DNAH7: variants seen among roughly 807,000 people sequenced by gnomAD.
The protein encoded by DNAH7 is dynein axonemal heavy chain 7, also known as axonemal beta dynein heavy chain 7.
In DNAH7, 397 loss-of-function variants were observed where a neutral mutation model predicts 444.6. The ratio of observed to expected loss-of-function variants is 0.89; its 90% CI spans 0.82 to 0.97. The LOEUF is 0.97. Among genes scored for constraint, DNAH7 ranks in the 50% least tolerant of loss-of-function variants. The probability of loss-of-function intolerance (pLI) is 0.00; values close to 1 mark genes in which losing one functional copy is unlikely to be tolerated. For synonymous variants in DNAH7, 1,636 were observed against 1,624.4 expected (o/e 1.01, Z -0.17); for missense variants, 4,902 against 4,800.8 (o/e 1.02, Z -0.62).
At chr2:196,037,584 C>G (rs1413448891) in intron 5 of DNAH7, among the ~76,000 whole-genome samples, 1 of 151,910 alleles carries the variant, frequency 6.6e-6, no homozygotes, top group East Asian at 1.9e-4. Flanking sequence ...AATCCTGAAA[C>G]TGAAGAAATG....
intron 45 of DNAH7, among the ~76,000 whole-genome samples, chr2:195,854,121 T>C (rs765037841): frequency 3.9e-5 from 6 of 152,176 alleles, no homozygotes; most frequent in Non-Finnish European, 7.4e-5. Context: ...TTAAGCAATA[T>C]GATAACAAAA....
At chr2:195,949,967 G>A (rs1271223763) in intron 19 of DNAH7, among the ~76,000 whole-genome samples, 3 of 152,136 alleles carry the variant, frequency 2.0e-5, no homozygotes, top group Non-Finnish European at 4.4e-5. Context: ...TGATCATGCT[G>A]GATAAGCTTT....
chr2:195,746,972 C>T (rs1693454698), intron 63 of DNAH7, among the ~76,000 whole-genome samples: 1 of 151,716 alleles, frequency 6.6e-6, no homozygotes, highest in Admixed American at 6.6e-5. Flanking sequence ...CAAAAGCTAG[C>T]AGAAGGCAAG....
chr2:195,794,322 C>G lies in DNAH7; in HGVS notation c.10716+16G>C. 6.2e-7 allele frequency: 1 copy of G among 1,613,894 alleles called. No homozygotes were observed. Among genetic ancestry groups the G allele is most frequent in the Non-Finnish European group, 8.5e-7 (1 of 1,179,834 alleles). On this transcript the variant is annotated intron_variant, in intron 57 of 64. Transcript: ENST00000312428. Reference sequence around the variant, plus strand: ...GCTTTACAGGGCCGAGGTAACAAGACTTAACCATTACTAACAGGCTTTTTG... The same window carrying G: ...GCTTTACAGGGCCGAGGTAACAAGAGTTAACCATTACTAACAGGCTTTTTG...
chr2:195,745,852 A>G (rs903474481), intron 63 of DNAH7, among the ~76,000 whole-genome samples: 1 of 152,262 alleles, frequency 6.6e-6, no homozygotes, highest in East Asian at 1.9e-4. Context: ...TGAAGGAAGC[A>G]CTAAACATGG....
In DNAH7 at chr2:195,809,879, TC is replaced by T; in HGVS notation, c.9762-9del. ...TCCTTGAGAATCTGAAGCCTAAGGG[TC>T]AACAGAAAATAAAGGAAATAAATAA... On this transcript the variant is annotated splice_polypyrimidine_tract_variant and intron_variant, in intron 51 of 64. Coordinates refer to ENST00000312428, the MANE Select transcript of DNAH7 (RefSeq NM_018897.3). 1 of 1,511,418 alleles carries T rather than the reference TC, an allele frequency of 6.6e-7. No individual in the cohort carries two copies. Among genetic ancestry groups the T allele is most frequent in the Non-Finnish European group, 8.8e-7 (1 of 1,131,560 alleles). The allele number at this position is 1,511,418 out of a possible 1,614,324, so 93.6% of individuals were successfully genotyped here.
At chr2:196,007,747 G>A (rs572377774) in intron 10 of DNAH7, among the ~76,000 whole-genome samples, 77 of 152,190 alleles carry the variant, frequency 5.1e-4, no homozygotes, top group Admixed American at 7.2e-4. Flanking sequence ...ATGTAGGACC[G>A]GGCTTTGCTC....
rs760479971 is a variant in DNAH7, at chr2:195,957,397, A to G, written c.2942T>C (p.Leu981Pro). Residue 981 changes from leucine (L) to proline (P), a missense_variant, in exon 19 of 65, where the codon CTC (leucine) becomes CCC (proline). Coordinates refer to ENST00000312428, the MANE Select transcript of DNAH7 (RefSeq NM_018897.3). ...ATACAGCCACGTGGCTTGGACTTTG[A>G]GCCATTCATCCAGAATCTCCTGAAG... Reference protein sequence around the residue: ...LLLQEILDEWLKVQATWLYLE... With the variant: ...LLLQEILDEWPKVQATWLYLE... The G allele has an allele frequency of 2.7e-5, 43 of 1,598,762 alleles. 1 individual carries two copies. The highest frequency in any genetic ancestry group is 2.5e-4 in the East Asian group (11 of 44,426).
In DNAH7 at chr2:195,888,156, ATATCTCTTAGCTGATAATAAAAACAGAC is replaced by A. The variant is rs1459854003; in HGVS notation, c.5406+74_5406+101del. 9 of 943,768 alleles carry A rather than the reference ATATCTCTTAGCTGATAATAAAAACAGAC, an allele frequency of 9.5e-6. No individual in the cohort carries two copies. The African/African-American group carries it at 1.2e-4, about 13-fold the overall frequency. The allele number at this position is 943,768 out of a possible 1,614,324, so 58.5% of individuals were successfully genotyped here. A position where few individuals can be genotyped will look rare whatever the true frequency, so the allele number is the denominator to read the frequency against. On this transcript the variant is annotated intron_variant, in intron 33 of 64. Transcript: ENST00000312428. ...ATTTAATCAAAAAGGTTTTGATTTA[ATATCTCTTAGCTGATAATAAAAACAGAC>A]ATTAAAATTGATATGTAAGTCTAAT...
chr2:195,968,591 G>C (rs953237434), intron 17 of DNAH7, among the ~76,000 whole-genome samples: 6 of 152,112 alleles, frequency 3.9e-5, no homozygotes, highest in African/African-American at 1.4e-4. Flanking sequence ...AGGGTTGGGA[G>C]AAGCATGGCA....
chr2:195,754,296 G>T, intron 63 of DNAH7, 41 bp downstream of exon 63: 3 of 1,560,484 alleles, frequency 1.9e-6, no homozygotes, highest in South Asian at 2.4e-5. Context: ...TTTTTGTTCA[G>T]TGCCCAGATA....
chr2:196,062,509 T>A (rs1265123943), intron 1 of DNAH7, among the ~76,000 whole-genome samples: 1 of 152,220 alleles, frequency 6.6e-6, no homozygotes, highest in African/African-American at 2.4e-5. Context: ...ATAAATTTGG[T>A]ATCCTAAGTT....
rs3049430 is a variant in DNAH7 at position 195,737,724 on chromosome 2, C to CTTTATTTA, written c.*196_*197insTAAATAAA. 191 of 516,072 alleles carry CTTTATTTA rather than the reference C, an allele frequency of 3.7e-4. 2 individuals are homozygous for CTTTATTTA. The highest frequency in any genetic ancestry group is 3.2e-3 in the African/African-American group (166 of 51,666). The allele number at this position is 516,072 out of a possible 1,614,324, so 32.0% of individuals were successfully genotyped here. A position where few individuals can be genotyped will look rare whatever the true frequency, so the allele number is the denominator to read the frequency against. On this transcript the variant is annotated 3_prime_UTR_variant, in exon 65 of 65. Transcript: ENST00000312428. Reference sequence around the variant, plus strand: ...AATATGCCAGTGTGTTTTCTTTAGTCTTTATTTCAGAACATTTCCTTACAT... The same window carrying CTTTATTTA: ...AATATGCCAGTGTGTTTTCTTTAGTCTTTATTTATTTATTTCAGAACATTTCCTTACAT...
chr2:195,970,198 C>T (rs1691752068), intron 16 of DNAH7, 104 bp from the exon 17 acceptor site: 1 of 1,089,390 alleles, frequency 9.2e-7, no homozygotes, highest in Non-Finnish European at 1.3e-6. Flanking sequence ...TATATTTTGT[C>T]ACTGGTAAAA....
intron 61 of DNAH7, among the ~76,000 whole-genome samples, chr2:195,756,568 C>G (rs1559074881): frequency 6.6e-6 from 1 of 151,990 alleles, no homozygotes. Flanking sequence ...GGCTGGAGTG[C>G]AGTGGTGGGA....
At chr2:195,785,581 T>TGA (rs921309535) in intron 58 of DNAH7, among the ~76,000 whole-genome samples, 1 of 146,556 alleles carries the variant, frequency 6.8e-6, no homozygotes, top group Non-Finnish European at 1.5e-5. Flanking sequence ...CCTAGTTTAC[T>TGA]GAGAGCTTTT....
intron 19 of DNAH7, among the ~76,000 whole-genome samples, chr2:195,945,526 T>C (rs972344211): frequency 2.6e-5 from 4 of 152,192 alleles, no homozygotes; most frequent in African/African-American, 9.7e-5. Context: ...CTTTCACTTT[T>C]TCCATCCAAA....
chr2:195,829,571 C>T (rs368988420), intron 48 of DNAH7, among the ~76,000 whole-genome samples: 4 of 151,978 alleles, frequency 2.6e-5, no homozygotes, highest in Non-Finnish European at 5.9e-5. Flanking sequence ...AAGATTATAA[C>T]GTTTCAGTTT....
intron 53 of DNAH7, among the ~76,000 whole-genome samples, chr2:195,808,470 G>A (rs1236225000): frequency 6.6e-6 from 1 of 152,132 alleles, no homozygotes; most frequent in Admixed American, 6.6e-5. Context: ...GAACCACACA[G>A]CATTCTTGCA....
Sources: gnomAD v4.1 joint callset for allele counts (sites outside exome capture counted in the v4.1 genomes callset) on GRCh38, gnomAD v4.1.1 for gene constraint, MANE v1.5 for transcripts, NCBI Gene and HGNC (gene_info 2026-07-23, HGNC 2026-07-21) for gene names.